The following DLGAP4 variants were observed in gnomAD, a reference collection of about 807,000 sequenced individuals.
The protein encoded by DLGAP4 is DLG associated protein 4.
Under a neutral mutation model 86.9 loss-of-function variants are expected in DLGAP4, and 18 were observed. The observed-to-expected ratio is 0.21, with a 90% CI of 0.14 to 0.31. The LOEUF is 0.31. DLGAP4 is among the 10% of genes least tolerant of loss of function. The pLI is 1.00. For synonymous variants in DLGAP4, 548 were observed against 574.3 expected, an observed-to-expected ratio of 0.95 and a Z score of 0.65; for missense variants, 1,085 against 1,362.6, an observed-to-expected ratio of 0.80 and a Z score of 3.21.
intron 7 of DLGAP4, among the ~76,000 whole-genome samples, chr20:36,492,003 G>T (rs1293225601): frequency 6.6e-6 from 1 of 152,172 alleles, no homozygotes; most frequent in Non-Finnish European, 1.5e-5. Context: ...GAGATTCCCA[G>T]GTGGAAGAAG....
Position 36,446,792 on chromosome 20 carries a change from A to G in DLGAP4, c.1503A>G (p.Pro501=). 1 of 1,612,710 alleles carries G rather than the reference A, an allele frequency of 6.2e-7. No individual in the cohort carries two copies. Among genetic ancestry groups the G allele is most frequent in the Non-Finnish European group, 8.5e-7 (1 of 1,179,786 alleles). The change falls in exon 7 of 13, where the codon CCA becomes CCG. Residue 501 remains proline (P), a synonymous_variant. Coordinates refer to ENST00000339266, the MANE Select transcript of DLGAP4 (RefSeq NM_001365621.2). ...CAGCGGCAGAGACGCTTGACTTGCCACTGCCCAGCTACTTCCGCTCCCGCA... is the reference window on the plus strand; with the variant it reads ...CAGCGGCAGAGACGCTTGACTTGCCGCTGCCCAGCTACTTCCGCTCCCGCA... ...ESTAAETLDL[P]LPSYFRSRSH...
At chr20:36,507,626 G>C (rs2036452394) in intron 10 of DLGAP4, 1 of 152,300 alleles carries the variant, frequency 6.6e-6, no homozygotes, top group African/African-American at 2.4e-5. Flanking sequence ...CTACAGGCTG[G>C]GGGAGAGGAA....
intron 1 of DLGAP4, among the ~76,000 whole-genome samples, chr20:36,328,285 C>T (rs2147354568): frequency 6.6e-6 from 1 of 152,212 alleles, no homozygotes; most frequent in African/African-American, 2.4e-5. Flanking sequence ...GTTGGGTGTG[C>T]CCCTTAATTT....
intron 11 of DLGAP4, 25 bp downstream of exon 11, chr20:36,524,366 C>T (rs1363570308): frequency 1.3e-6 from 2 of 1,596,620 alleles, no homozygotes; most frequent in East Asian, 4.5e-5. Context: ...CCTTCCTCCA[C>T]AGCAGGGCTT....
At position 36,409,324 on chromosome 20, in the gene DLGAP4, G is replaced by A. The variant is rs146675398; in HGVS notation, c.-72-22322G>A. ...GCTGGGATGACAGCTGTGAGCCACC[G>A]TGCACAACCTAAAAGACTTATTTTT... On this transcript the variant is annotated intron_variant, in intron 2 of 12. Transcript: ENST00000339266. Among the ~76,000 whole-genome samples the A allele has an allele frequency of 2.8e-3, 420 of 151,412 alleles. 1 individual carries two copies. The highest frequency in any genetic ancestry group is 6.3e-3 in the African/African-American group (262 of 41,290).
intron 7 of DLGAP4, among the ~76,000 whole-genome samples, chr20:36,454,750 G>A (rs1406804323): frequency 2.0e-5 from 3 of 152,200 alleles, no homozygotes; most frequent in South Asian, 2.1e-4. Context: ...TGTGCAGGCC[G>A]GTGGGTTGAT....
At chr20:36,419,748 T>A (rs2147516800) in intron 2 of DLGAP4, among the ~76,000 whole-genome samples, 1 of 152,330 alleles carries the variant, frequency 6.6e-6, no homozygotes. Context: ...TTGAGTGTCC[T>A]CACAACATGG....
At chr20:36,517,198 A>G (rs1474970302) in intron 10 of DLGAP4, among the ~76,000 whole-genome samples, 1 of 151,792 alleles carries the variant, frequency 6.6e-6, no homozygotes, top group Admixed American at 6.6e-5. Context: ...GGCCAACATG[A>G]TGAAATCCCG....
chr20:36,510,653 C>G (rs930464041), intron 10 of DLGAP4, among the ~76,000 whole-genome samples: 1 of 152,058 alleles, frequency 6.6e-6, no homozygotes, highest in Non-Finnish European at 1.5e-5. Flanking sequence ...TCAAGTGATC[C>G]GCCTGCCTCG....
chr20:36,440,185 T>A (rs567507686), intron 5 of DLGAP4, among the ~76,000 whole-genome samples: 1 of 152,172 alleles, frequency 6.6e-6, no homozygotes, highest in South Asian at 2.1e-4. Context: ...TAGGTTCGAG[T>A]CCCAGTTTTG....
At chr20:36,322,694 A>T (rs1391493797) in intron 1 of DLGAP4, among the ~76,000 whole-genome samples, 1 of 152,206 alleles carries the variant, frequency 6.6e-6, no homozygotes, top group Non-Finnish European at 1.5e-5. Context: ...AGTCCTGCTC[A>T]TCTGCAGCTA....
rs1030445464 is a variant in DLGAP4, at chr20:36,478,211, A to G, written c.1649-18494A>G. Among the ~76,000 whole-genome samples the G allele has an allele frequency of 8.5e-5, 13 of 152,170 alleles. No homozygotes were observed. In the East Asian group the frequency reaches 2.5e-3, roughly 29 times the overall value. On this transcript the variant is annotated intron_variant, in intron 7 of 12. Coordinates refer to ENST00000339266, the MANE Select transcript of DLGAP4 (RefSeq NM_001365621.2). ...ACCCCTCCTACTGGACCCATGGCAG[A>G]CAGCATCAGCCACAGCACTCCCATT...
chr20:36,485,370 C>T lies in DLGAP4; in HGVS notation c.1649-11335C>T, dbSNP rs912875743. Among the ~76,000 whole-genome samples, 4 of 146,714 alleles carry T rather than the reference C, an allele frequency of 2.7e-5. No individual in the cohort carries two copies. The East Asian group carries it at 8.0e-4, about 29-fold the overall frequency. ...CTGTCCCAAAAAAAAAAAAAAAAAA[C>T]TGCTAGCTAATTTGAAATGTATATT... is the stretch of plus-strand genomic sequence containing the variant. On this transcript the variant is annotated intron_variant, in intron 7 of 12. Transcript: ENST00000339266.
Position 36,416,671 on chromosome 20 carries a change from G to T in DLGAP4, c.-72-14975G>T, listed in dbSNP as rs77615447. Among the ~76,000 whole-genome samples the T allele has an allele frequency of 3.4e-3, 511 of 152,314 alleles. 3 individuals are homozygous for T. The highest frequency in any genetic ancestry group is 0.012 in the African/African-American group (491 of 41,564). On this transcript the variant is annotated intron_variant, in intron 2 of 12. Coordinates refer to ENST00000339266, the MANE Select transcript of DLGAP4 (RefSeq NM_001365621.2). Reference sequence around the variant, plus strand: ...ACCCCCGACTTTTAAGGTCAGGGAAGATTTCTTGGAGCAGGGTGTGTCTTC... The same window carrying T: ...ACCCCCGACTTTTAAGGTCAGGGAATATTTCTTGGAGCAGGGTGTGTCTTC...
chr20:36,514,693 C>T (rs2036932398), intron 10 of DLGAP4, among the ~76,000 whole-genome samples: 2 of 152,122 alleles, frequency 1.3e-5, no homozygotes, highest in South Asian at 4.1e-4. Flanking sequence ...GGATTACAGG[C>T]ATGAGCCACC....
intron 2 of DLGAP4, among the ~76,000 whole-genome samples, chr20:36,400,826 G>A (rs1006551246): frequency 7.9e-5 from 12 of 152,126 alleles, no homozygotes; most frequent in Admixed American, 3.3e-4. Context: ...AGGAGGGGGT[G>A]GCTGTGGCAA....
intron 1 of DLGAP4, among the ~76,000 whole-genome samples, chr20:36,311,229 A>AGGGAGG (rs1359535783): frequency 7.5e-6 from 1 of 132,522 alleles, no homozygotes; most frequent in African/African-American, 4.1e-5. Flanking sequence ...GGTCACTCGG[A>AGGGAGG]GGGTGGGGGG....
At chr20:36,412,820 A>G (rs2032537717) in intron 2 of DLGAP4, among the ~76,000 whole-genome samples, 1 of 152,142 alleles carries the variant, frequency 6.6e-6, no homozygotes, top group Non-Finnish European at 1.5e-5. Context: ...CTCATACTGG[A>G]GCTTACAGAT....
intron 2 of DLGAP4, among the ~76,000 whole-genome samples, chr20:36,378,747 C>T (rs2031256290): frequency 6.6e-6 from 1 of 152,066 alleles, no homozygotes; most frequent in South Asian, 2.1e-4. Flanking sequence ...CCTGGGCTCT[C>T]TGCAGGCCTG....
Sources: allele counts gnomAD v4.1 joint callset (sites outside exome capture counted in the v4.1 genomes callset), GRCh38; gene constraint gnomAD v4.1.1; transcripts MANE v1.5; gene names NCBI Gene and HGNC (gene_info 2026-07-23, HGNC 2026-07-21).